SPATA17: variants seen among roughly 807,000 people sequenced by gnomAD.
SPATA17 encodes the protein spermatogenesis-associated protein 17.
Under a neutral mutation model 62.2 loss-of-function variants are expected in SPATA17, and 53 were observed. That is an observed-to-expected ratio of 0.85 (90% CI 0.68 to 1.07). SPATA17 has a LOEUF of 1.07. Ranked by LOEUF, SPATA17 falls within the 50% of genes least tolerant of loss-of-function variation. The probability of loss-of-function intolerance (pLI) is 0.00; values close to 1 mark genes in which losing one functional copy is unlikely to be tolerated. For synonymous variants in SPATA17, 146 were observed against 146.8 expected, an observed-to-expected ratio of 0.99 and a Z score of 0.04; for missense variants, 466 against 425.5, an observed-to-expected ratio of 1.10 and a Z score of -0.84.
chr1:217,869,348 A>C lies in SPATA17; in HGVS notation c.*2329A>C, dbSNP rs1184356250. 1 of 152,192 alleles carries C rather than the reference A, an allele frequency of 6.6e-6. No homozygotes were observed. Among genetic ancestry groups the C allele is most frequent in the Admixed American group, 6.5e-5 (1 of 15,280 alleles). The allele number at this position is 152,192 out of a possible 1,614,324, so 9.4% of individuals were successfully genotyped here. A position where few individuals can be genotyped will look rare whatever the true frequency, so the allele number is the denominator to read the frequency against. ...TACCTGGATTAAAATAAGGGGACCA[A>C]GGTTCTCATGCAGATGAAGCCTCCA... On this transcript the variant is annotated 3_prime_UTR_variant, in exon 11 of 11. Coordinates refer to ENST00000366933, the MANE Select transcript of SPATA17 (RefSeq NM_138796.4).
At chr1:217,850,605 C>A (rs562354335) in intron 9 of SPATA17, 3 of 1,595,368 alleles carry the variant, frequency 1.9e-6, no homozygotes, top group East Asian at 2.2e-5. Flanking sequence ...GATGGTCTTG[C>A]CAGTCAGGGT....
intron 5 of SPATA17, among the ~76,000 whole-genome samples, chr1:217,696,421 C>T (rs1261417264): frequency 6.6e-6 from 1 of 152,154 alleles, no homozygotes. Flanking sequence ...GAACCCGGTA[C>T]CTCAGATGGA....
In SPATA17 at chr1:217,713,792, G is replaced by A. The variant is rs184326743; in HGVS notation, c.396-28183G>A. Among the ~76,000 whole-genome samples the A allele has an allele frequency of 1.2e-3, 185 of 152,274 alleles. 1 individual carries two copies. The highest frequency in any genetic ancestry group is 2.0e-3 in the Non-Finnish European group (134 of 68,028). On this transcript the variant is annotated intron_variant, in intron 5 of 10. Coordinates refer to ENST00000366933, the MANE Select transcript of SPATA17 (RefSeq NM_138796.4). ...AATTTTAAAATTGTAGCAAAACTGCGATGGGATTGCAGACCTTATGACCTC... is the reference window on the plus strand; with the variant it reads ...AATTTTAAAATTGTAGCAAAACTGCAATGGGATTGCAGACCTTATGACCTC...
At chr1:217,714,572 C>G (rs1671956729) in intron 5 of SPATA17, among the ~76,000 whole-genome samples, 1 of 148,356 alleles carries the variant, frequency 6.7e-6, no homozygotes. Context: ...GCAAGCTCCG[C>G]CTCCCAGGTT....
At chr1:217,659,633 A>G (rs757590772) in intron 3 of SPATA17, among the ~76,000 whole-genome samples, 1 of 152,108 alleles carries the variant, frequency 6.6e-6, no homozygotes, top group Non-Finnish European at 1.5e-5. Flanking sequence ...TGATCCATAT[A>G]TATCTATATA....
At chr1:217,840,179 C>T (rs973731287) in intron 9 of SPATA17, among the ~76,000 whole-genome samples, 1 of 152,114 alleles carries the variant, frequency 6.6e-6, no homozygotes, top group Non-Finnish European at 1.5e-5. Context: ...TAATTCCATT[C>T]GTACAGATAA....
chr1:217,840,186 A>T (rs1161796778), intron 9 of SPATA17, among the ~76,000 whole-genome samples: 2 of 152,170 alleles, frequency 1.3e-5, no homozygotes, highest in Admixed American at 6.6e-5. Context: ...ATTCGTACAG[A>T]TAATGTCCTT....
At chr1:217,750,656 G>A (rs1672882782) in intron 6 of SPATA17, among the ~76,000 whole-genome samples, 2 of 152,134 alleles carry the variant, frequency 1.3e-5, no homozygotes, top group South Asian at 2.1e-4. Flanking sequence ...AGATTCATAC[G>A]TTTTACATGA....
chr1:217,767,345 C>T (rs750233074), intron 6 of SPATA17, among the ~76,000 whole-genome samples: 5 of 151,872 alleles, frequency 3.3e-5, no homozygotes, highest in Non-Finnish European at 5.9e-5. Context: ...TGGTTTTGTT[C>T]GTTTTAAAAT....
Position 217,672,342 on chromosome 1 carries a change from A to G in SPATA17, c.291+3259A>G, listed in dbSNP as rs184299963. ...TCAAAAGAAAGAATCTCTAAGGGTA[A>G]CAGATAACTACCAAATATCTATATG... On this transcript the variant is annotated intron_variant, in intron 4 of 10. Transcript: ENST00000366933. Among the ~76,000 whole-genome samples, 204 of 152,360 alleles carry G rather than the reference A, an allele frequency of 1.3e-3. 1 individual carries two copies. Among genetic ancestry groups the G allele is most frequent in the South Asian group, 3.7e-3 (18 of 4,826 alleles).
intron 9 of SPATA17, among the ~76,000 whole-genome samples, chr1:217,802,414 A>T (rs1674336407): frequency 6.6e-6 from 1 of 152,202 alleles, no homozygotes; most frequent in Admixed American, 6.5e-5. Flanking sequence ...GCCACAACAA[A>T]GTACTATAGA....
chr1:217,708,021 C>A (rs1251953121), intron 5 of SPATA17, among the ~76,000 whole-genome samples: 4 of 152,098 alleles, frequency 2.6e-5, no homozygotes, highest in African/African-American at 7.2e-5. Flanking sequence ...AACAAAGATA[C>A]AACATACCAA....
At chr1:217,662,194 C>G (rs1048988434) in intron 3 of SPATA17, among the ~76,000 whole-genome samples, 1 of 152,016 alleles carries the variant, frequency 6.6e-6, no homozygotes, top group Non-Finnish European at 1.5e-5. Flanking sequence ...TGTTTAATAT[C>G]AGATGTGCTA....
chr1:217,789,926 A>G (rs1341411474), intron 8 of SPATA17, among the ~76,000 whole-genome samples: 3 of 152,016 alleles, frequency 2.0e-5, no homozygotes, highest in African/African-American at 7.3e-5. Context: ...AGTCCCAGCT[A>G]CTCGGGAGGC....
chr1:217,800,406 G>A (rs887057815), intron 8 of SPATA17, among the ~76,000 whole-genome samples: 2 of 152,040 alleles, frequency 1.3e-5, no homozygotes, highest in African/African-American at 4.8e-5. Flanking sequence ...AGAGTTCAAT[G>A]GCCAGTCTTT....
Position 217,767,829 on chromosome 1 carries a change from T to C in SPATA17, c.520-6505T>C, listed in dbSNP as rs148397881. On this transcript the variant is annotated intron_variant, in intron 6 of 10. Coordinates refer to ENST00000366933, the MANE Select transcript of SPATA17 (RefSeq NM_138796.4). ...CCTGATAATTACAACATTCCTGCCA[T>C]ATCCGAGACTCGTTCTGATGCCTGA... 8.4e-3 allele frequency among the ~76,000 whole-genome samples: 1,281 copies of C among 152,324 alleles called. 19 individuals carry two copies. Among genetic ancestry groups the C allele is most frequent in the African/African-American group, 0.029 (1,206 of 41,570 alleles).
At chr1:217,711,282 G>A (rs138394437) in intron 5 of SPATA17, among the ~76,000 whole-genome samples, 166 of 152,138 alleles carry the variant, frequency 1.1e-3, no homozygotes, top group African/African-American at 3.5e-3. Flanking sequence ...TTTTCAATCC[G>A]CAGCCCCTTC....
chr1:217,635,432 G>T (rs1669915405), intron 1 of SPATA17, among the ~76,000 whole-genome samples: 1 of 152,166 alleles, frequency 6.6e-6, no homozygotes, highest in African/African-American at 2.4e-5. Flanking sequence ...GGCCAGGCAT[G>T]GTGGCTCACG....
chr1:217,805,363 C>T (rs61825827), intron 9 of SPATA17, among the ~76,000 whole-genome samples: 4,846 of 152,038 alleles, frequency 0.032, 109 homozygotes, highest in Middle Eastern at 0.065. Flanking sequence ...ATGGTGGTTA[C>T]TAGGAACTTG....
Sources: allele counts gnomAD v4.1 joint callset (sites outside exome capture counted in the v4.1 genomes callset), GRCh38; gene constraint gnomAD v4.1.1; transcripts MANE v1.5; gene names NCBI Gene and HGNC (gene_info 2026-07-23, HGNC 2026-07-21).